HS6ST3: variants seen among roughly 807,000 people sequenced by gnomAD.
HS6ST3 encodes the protein heparan-sulfate 6-O-sulfotransferase 3.
Under a neutral mutation model 36.7 loss-of-function variants are expected in HS6ST3, and 12 were observed. That is an observed-to-expected ratio of 0.33 (90% CI 0.21 to 0.53). The LOEUF (loss-of-function observed/expected upper bound fraction) is 0.53. Among genes scored for constraint, HS6ST3 ranks in the 20% least tolerant of loss-of-function variants. The pLI is 0.95. For missense variants in HS6ST3, 584 were observed against 640.9 expected, an observed-to-expected ratio of 0.91 and a Z score of 0.96; for synonymous variants, 240 against 257.5, an observed-to-expected ratio of 0.93 and a Z score of 0.65.
intron 1 of HS6ST3, among the ~76,000 whole-genome samples, chr13:96,596,376 G>C (rs1333697438): frequency 6.6e-6 from 1 of 152,118 alleles, no homozygotes; most frequent in Non-Finnish European, 1.5e-5. Flanking sequence ...TGAGCAGTTA[G>C]GTTGATATAA....
intron 1 of HS6ST3, among the ~76,000 whole-genome samples, chr13:96,498,118 G>A (rs2055986150): frequency 1.3e-5 from 2 of 152,152 alleles, no homozygotes; most frequent in African/African-American, 2.4e-5. Context: ...CAGTGTCCTC[G>A]GACAAGGTCT....
chr13:96,469,572 C>T (rs1020814121), intron 1 of HS6ST3, among the ~76,000 whole-genome samples: 2 of 152,114 alleles, frequency 1.3e-5, no homozygotes, highest in Non-Finnish European at 2.9e-5. Flanking sequence ...GCAAAAGTAG[C>T]CCAGAACTTG....
chr13:96,223,525 C>T (rs1486584803), intron 1 of HS6ST3, among the ~76,000 whole-genome samples: 1 of 152,172 alleles, frequency 6.6e-6, no homozygotes, highest in East Asian at 1.9e-4. Flanking sequence ...CCAGCCTGGG[C>T]CTGAACCCAA....
At position 96,447,340 on chromosome 13, in the gene HS6ST3, A is replaced by G. The variant is rs114065815; in HGVS notation, c.707+355771A>G. 1.7e-3 allele frequency among the ~76,000 whole-genome samples: 259 copies of G among 152,060 alleles called. 2 individuals are homozygous for G. The highest frequency in any genetic ancestry group is 6.1e-3 in the African/African-American group (255 of 41,482). On this transcript the variant is annotated intron_variant, in intron 1 of 1. Transcript: ENST00000376705. ...GCTCCCAGAAGACCTGCACTTGTGT[A>G]CCCCTCTCTCCAGATCTTTATATTT...
At chr13:96,683,872 G>A (rs1874689226) in intron 1 of HS6ST3, among the ~76,000 whole-genome samples, 1 of 152,036 alleles carries the variant, frequency 6.6e-6, no homozygotes, top group Non-Finnish European at 1.5e-5. Flanking sequence ...ACAATTAAAT[G>A]TGAGTAGATG....
At chr13:96,670,786 G>T (rs984613471) in intron 1 of HS6ST3, among the ~76,000 whole-genome samples, 18 of 152,128 alleles carry the variant, frequency 1.2e-4, no homozygotes, top group African/African-American at 4.3e-4. Flanking sequence ...CTTGGAAGAG[G>T]ACCTGTCCTA....
chr13:96,167,243 A>G (rs1001589740), intron 1 of HS6ST3, among the ~76,000 whole-genome samples: 2 of 152,158 alleles, frequency 1.3e-5, no homozygotes, highest in African/African-American at 4.8e-5. Context: ...GGATGTTGGG[A>G]TAATTTATCA....
intron 1 of HS6ST3, among the ~76,000 whole-genome samples, chr13:96,796,328 T>C (rs1326469675): frequency 6.6e-6 from 1 of 152,070 alleles, no homozygotes; most frequent in Non-Finnish European, 1.5e-5. Flanking sequence ...CAAAGGAAAT[T>C]TTTAAAATGA....
At chr13:96,422,176 T>G (rs2139468850) in intron 1 of HS6ST3, among the ~76,000 whole-genome samples, 1 of 152,364 alleles carries the variant, frequency 6.6e-6, no homozygotes, top group South Asian at 2.1e-4. Context: ...CAGTCTGTCC[T>G]GGCCAGACTG....
chr13:96,365,321 G>C (rs1476561499), intron 1 of HS6ST3, among the ~76,000 whole-genome samples: 2 of 152,110 alleles, frequency 1.3e-5, no homozygotes, highest in African/African-American at 4.8e-5. Flanking sequence ...TTCTGGGTGT[G>C]GTTTAACTAA....
intron 1 of HS6ST3, among the ~76,000 whole-genome samples, chr13:96,465,450 G>A (rs1251683999): frequency 6.6e-6 from 1 of 152,190 alleles, no homozygotes; most frequent in Non-Finnish European, 1.5e-5. Context: ...GATAAATCAT[G>A]CACAGGCACA....
chr13:96,537,411 C>T (rs1183218106), intron 1 of HS6ST3, among the ~76,000 whole-genome samples: 4 of 152,148 alleles, frequency 2.6e-5, no homozygotes, highest in Non-Finnish European at 5.9e-5. Context: ...ACCTCCTATA[C>T]CTGAGGAAGA....
chr13:96,668,686 C>CTTTTTTTTTTTTTTTTTTTTTTTTT (rs146033180), intron 1 of HS6ST3, among the ~76,000 whole-genome samples: 2 of 58,916 alleles, frequency 3.4e-5, no homozygotes, highest in Non-Finnish European at 6.3e-5. Context: ...TAGTGCCAAC[C>CTTTTTTTTTTTTTTTTTTTTTTTTT]TTTTTTTTTT....
intron 1 of HS6ST3, among the ~76,000 whole-genome samples, chr13:96,295,309 C>G (rs1295182169): frequency 6.6e-6 from 1 of 152,052 alleles, no homozygotes; most frequent in Non-Finnish European, 1.5e-5. Flanking sequence ...TCACCTCTTA[C>G]ATTTTTAAAG....
chr13:96,106,284 A>G (rs894798184), intron 1 of HS6ST3, among the ~76,000 whole-genome samples: 17 of 152,204 alleles, frequency 1.1e-4, no homozygotes, highest in Non-Finnish European at 2.2e-4. Context: ...AGGAGATGAG[A>G]TGCCCCTTCT....
chr13:96,636,414 G>A (rs1420707095), intron 1 of HS6ST3, among the ~76,000 whole-genome samples: 1 of 152,114 alleles, frequency 6.6e-6, no homozygotes. Context: ...GGATGAAGTT[G>A]CCCACACAGG....
intron 1 of HS6ST3, among the ~76,000 whole-genome samples, chr13:96,420,418 A>T (rs1029897998): frequency 6.6e-6 from 1 of 152,052 alleles, no homozygotes; most frequent in African/African-American, 2.4e-5. Flanking sequence ...TGTCAGATTC[A>T]TGATATACTT....
At chr13:96,300,798 T>G (rs1365167217) in intron 1 of HS6ST3, among the ~76,000 whole-genome samples, 1 of 152,178 alleles carries the variant, frequency 6.6e-6, no homozygotes, top group Non-Finnish European at 1.5e-5. Context: ...TAAAAATGTA[T>G]AGTTTAATTT....
At chr13:96,399,630 C>T (rs564567317) in intron 1 of HS6ST3, among the ~76,000 whole-genome samples, 17 of 152,314 alleles carry the variant, frequency 1.1e-4, no homozygotes, top group African/African-American at 3.8e-4. Context: ...TGGCCTGTGC[C>T]AGAGGGCTGC....
Sources: allele counts gnomAD v4.1 joint callset (sites outside exome capture counted in the v4.1 genomes callset), GRCh38; gene constraint gnomAD v4.1.1; transcripts MANE v1.5; gene names NCBI Gene and HGNC (gene_info 2026-07-23, HGNC 2026-07-21).